Variants in ERCC6L2 observed in about 807,000 individuals in gnomAD.
The protein encoded by ERCC6L2 is DNA excision repair protein ERCC-6-like 2.
ERCC6L2 carries 77 observed loss-of-function variants against 132.0 expected under a neutral mutation model. The ratio of observed to expected loss-of-function variants is 0.58; its 90% CI spans 0.49 to 0.71. ERCC6L2 has a LOEUF of 0.71. ERCC6L2 is among the 30% of genes least tolerant of loss of function. The pLI is 0.00. For synonymous variants in ERCC6L2, 583 were observed against 632.4 expected (o/e 0.92, Z 1.17); for missense variants, 1,542 against 1,837.6 (o/e 0.84, Z 2.94).
chr9:95,916,425 G>A lies in ERCC6L2; in HGVS notation c.1149G>A (p.Lys383=). The stretch of plus-strand genomic sequence containing the variant: ...TTATCAAGGATCAGTTGCCTAAGAA[G>A]GAAGACCGGGTAAGAACCGCATTTG... The part of the protein sequence containing the change: ...KTLIKDQLPK[K]EDRMVYCSLT... The change falls in exon 6 of 19, where the codon AAG becomes AAA. Residue 383 remains lysine, a synonymous_variant. Coordinates refer to ENST00000653738, the MANE Select transcript of ERCC6L2 (RefSeq NM_020207.7). 1 of 1,561,218 alleles carries A rather than the reference G, an allele frequency of 6.4e-7. No individual in the cohort carries two copies. The highest frequency in any genetic ancestry group is 8.6e-7 in the Non-Finnish European group (1 of 1,160,504).
chr9:95,886,864 C>T (rs1827896619), intron 2 of ERCC6L2, among the ~76,000 whole-genome samples: 1 of 152,150 alleles, frequency 6.6e-6, no homozygotes, highest in South Asian at 2.1e-4. Flanking sequence ...GCCAGCGTGG[C>T]TAGAAGTAAG....
chr9:96,029,598 T>C (rs989577894), intron 19 of ERCC6L2, among the ~76,000 whole-genome samples: 12 of 151,916 alleles, frequency 7.9e-5, no homozygotes, highest in Admixed American at 6.6e-4. Flanking sequence ...GGATTCCTTT[T>C]GCAAAACCAC....
intron 2 of ERCC6L2, among the ~76,000 whole-genome samples, chr9:95,888,963 T>G (rs1828018732): frequency 6.6e-6 from 1 of 152,206 alleles, no homozygotes; most frequent in Non-Finnish European, 1.5e-5. Context: ...GTTTGTATTC[T>G]CAACTAAAGT....
At chr9:95,981,362 G>A (rs1420252110) in intron 17 of ERCC6L2, among the ~76,000 whole-genome samples, 1 of 152,022 alleles carries the variant, frequency 6.6e-6, no homozygotes, top group South Asian at 2.1e-4. Flanking sequence ...GGAGTAAAAT[G>A]TACTGTTTTC....
At chr9:95,994,114 A>C (rs930175435) in intron 17 of ERCC6L2, among the ~76,000 whole-genome samples, 53 of 152,182 alleles carry the variant, frequency 3.5e-4, no homozygotes, top group African/African-American at 1.1e-3. Flanking sequence ...ACTTAAGCAA[A>C]AATCCCGAAA....
intron 13 of ERCC6L2, among the ~76,000 whole-genome samples, chr9:95,961,091 C>T (rs1292688145): frequency 6.6e-6 from 1 of 152,132 alleles, no homozygotes; most frequent in South Asian, 2.1e-4. Context: ...AATCTTTAAC[C>T]AAGCATCTGT....
Position 95,941,442 on chromosome 9 carries a change from T to A in ERCC6L2, c.1752-12T>A. On this transcript the variant is annotated splice_polypyrimidine_tract_variant and intron_variant, in intron 11 of 18. Coordinates refer to ENST00000653738, the MANE Select transcript of ERCC6L2 (RefSeq NM_020207.7). ...TGTTCTAATGTGCTTTTTTTTTTTCTCTTTCCTCCAGGGCTGGTGGACTAG... is the reference window on the plus strand; with the variant it reads ...TGTTCTAATGTGCTTTTTTTTTTTCACTTTCCTCCAGGGCTGGTGGACTAG... 2 of 1,579,940 alleles carry A rather than the reference T, an allele frequency of 1.3e-6. No individual in the cohort carries two copies. Among genetic ancestry groups the A allele is most frequent in the South Asian group, 1.1e-5 (1 of 87,458 alleles).
In ERCC6L2 at chr9:95,941,564, A is replaced by G. The variant is rs1050176269; in HGVS notation, c.1847+15A>G. On this transcript the variant is annotated intron_variant, in intron 12 of 18. Transcript: ENST00000653738. Reference sequence around the variant, plus strand: ...GCCATTGACAGGTATAATACTGACAAAATTTAAAGTGATCTGCAAATACTT... The same window carrying G: ...GCCATTGACAGGTATAATACTGACAGAATTTAAAGTGATCTGCAAATACTT... 75 of 1,554,868 alleles carry G rather than the reference A, an allele frequency of 4.8e-5. No homozygotes were observed. Among genetic ancestry groups the G allele is most frequent in the Non-Finnish European group, 6.5e-5 (73 of 1,128,208 alleles).
At chr9:95,977,851 G>C (rs1832732277) in intron 16 of ERCC6L2, among the ~76,000 whole-genome samples, 1 of 151,784 alleles carries the variant, frequency 6.6e-6, no homozygotes, top group African/African-American at 2.4e-5. Context: ...CCTATCAGTA[G>C]TTCTCATCTC....
In ERCC6L2 at chr9:95,945,470, A is replaced by T. The variant is rs141378016; in HGVS notation, c.1847+3921A>T. On this transcript the variant is annotated intron_variant, in intron 12 of 18. Transcript: ENST00000653738. ...TCCTGAGGCAACACTCATCCTCCTC[A>T]GCTTATGAAGATGATGGGATTAAGA... Among the ~76,000 whole-genome samples the T allele has an allele frequency of 3.9e-3, 594 of 152,338 alleles. 4 individuals are homozygous for T. Among genetic ancestry groups the T allele is most frequent in the African/African-American group, 0.014 (567 of 41,572 alleles).
intron 13 of ERCC6L2, among the ~76,000 whole-genome samples, chr9:95,960,654 C>T (rs564607217): frequency 1.7e-4 from 26 of 152,158 alleles, no homozygotes; most frequent in African/African-American, 4.1e-4. Flanking sequence ...GGAGTGTGGT[C>T]GTGGTCCTGC....
chr9:96,023,924 G>A (rs535098883), intron 19 of ERCC6L2, among the ~76,000 whole-genome samples: 10 of 152,330 alleles, frequency 6.6e-5, no homozygotes, highest in Non-Finnish European at 1.5e-4. Context: ...AGTGAAAGGG[G>A]ACCCGGGAGC....
rs150463036 is a variant in ERCC6L2, at chr9:95,945,956, A to C, written c.1847+4407A>C. ...AAAAATTAGACTCAGGTTTATGCTTATTATGAAACATATATGTAAATAAAA... is the reference window on the plus strand; with the variant it reads ...AAAAATTAGACTCAGGTTTATGCTTCTTATGAAACATATATGTAAATAAAA... On this transcript the variant is annotated intron_variant, in intron 12 of 18. Coordinates refer to ENST00000653738, the MANE Select transcript of ERCC6L2 (RefSeq NM_020207.7). Among the ~76,000 whole-genome samples, 33 of 152,324 alleles carry C rather than the reference A, an allele frequency of 2.2e-4. No homozygotes were observed. The East Asian group carries it at 6.0e-3, about 28-fold the overall frequency.
chr9:95,990,323 A>G (rs1564289394), intron 17 of ERCC6L2, among the ~76,000 whole-genome samples: 1 of 152,242 alleles, frequency 6.6e-6, no homozygotes, highest in South Asian at 2.1e-4. Context: ...ATTTGCCAAC[A>G]TGAAGGTATC....
In ERCC6L2 at chr9:96,016,734, A is replaced by G. The variant is rs376802813; in HGVS notation, c.*3531A>G. Among the ~76,000 whole-genome samples the G allele has an allele frequency of 2.8e-4, 42 of 152,324 alleles. 1 individual carries two copies. The Middle Eastern group carries it at 0.014, about 49-fold the overall frequency. ...ATTCTGAAGTTATCCTTCTTTTATGATATCAAAATAGCCCTCTTTTTTGAA... is the reference window on the plus strand; with the variant it reads ...ATTCTGAAGTTATCCTTCTTTTATGGTATCAAAATAGCCCTCTTTTTTGAA... On this transcript the variant is annotated 3_prime_UTR_variant, in exon 19 of 19. Transcript: ENST00000653738.
chr9:95,920,176 A>T (rs1342867306), intron 6 of ERCC6L2, among the ~76,000 whole-genome samples: 1 of 152,152 alleles, frequency 6.6e-6, no homozygotes, highest in Non-Finnish European at 1.5e-5. Flanking sequence ...CTGTAAAGTT[A>T]CACCAAGTGT....
chr9:95,902,118 A>C (rs1195155706), intron 3 of ERCC6L2, among the ~76,000 whole-genome samples: 1 of 151,202 alleles, frequency 6.6e-6, no homozygotes, highest in African/African-American at 2.4e-5. Flanking sequence ...TACATCTCAT[A>C]TACATTTAAA....
rs190499425 is a variant in ERCC6L2, at chr9:95,993,511, C to G, written c.3493-11009C>G. On this transcript the variant is annotated intron_variant, in intron 17 of 18. Transcript: ENST00000653738. The stretch of plus-strand genomic sequence containing the variant: ...AGTTCCTGTGTTTCTGTCTGTAGCA[C>G]ATGGCATTCACCTGCTCCCCCCAAT... Among the ~76,000 whole-genome samples the G allele has an allele frequency of 2.0e-5, 3 of 152,296 alleles. No individual in the cohort carries two copies. In the East Asian group the frequency reaches 5.8e-4, roughly 29 times the overall value.
chr9:96,006,512 GTGGCTGGTGC>G (rs1285659895), intron 18 of ERCC6L2, among the ~76,000 whole-genome samples: 3 of 152,230 alleles, frequency 2.0e-5, no homozygotes, highest in African/African-American at 7.2e-5. Context: ...CTGGCGGGAG[GTGGCTGGTGC>G]TGTAAGTTTG....
Sources: allele counts gnomAD v4.1 joint callset (sites outside exome capture counted in the v4.1 genomes callset), GRCh38; gene constraint gnomAD v4.1.1; transcripts MANE v1.5; gene names NCBI Gene and HGNC (gene_info 2026-07-23, HGNC 2026-07-21).